The following KSR2 variants were observed in gnomAD, a reference collection of about 807,000 sequenced individuals.
KSR2 encodes the protein kinase suppressor of ras 2.
KSR2 carries 25 observed loss-of-function variants against 107.8 expected under a neutral mutation model. The ratio of observed to expected loss-of-function variants is 0.23; its 90% CI spans 0.17 to 0.32. The LOEUF (loss-of-function observed/expected upper bound fraction) is 0.32. Among genes scored for constraint, KSR2 ranks in the 10% least tolerant of loss-of-function variants. KSR2 has a pLI of 1.00. For synonymous variants in KSR2, 480 were observed against 507.0 expected, an observed-to-expected ratio of 0.95 and a Z score of 0.71; for missense variants, 887 against 1,268.9, an observed-to-expected ratio of 0.70 and a Z score of 4.57.
intron 1 of KSR2, among the ~76,000 whole-genome samples, chr12:117,871,445 C>T (rs748308895): frequency 2.0e-5 from 3 of 151,936 alleles, no homozygotes; most frequent in Non-Finnish European, 2.9e-5. Flanking sequence ...AAAAAATGGC[C>T]GGGTGTGGTG....
At chr12:117,511,707 C>G (rs950285877) in intron 14 of KSR2, among the ~76,000 whole-genome samples, 1 of 152,220 alleles carries the variant, frequency 6.6e-6, no homozygotes, top group Non-Finnish European at 1.5e-5. Context: ...TGCCATTTCA[C>G]AAGGAAGCCC....
chr12:117,534,110 C>T (rs1835305833), intron 10 of KSR2, among the ~76,000 whole-genome samples: 1 of 151,822 alleles, frequency 6.6e-6, no homozygotes, highest in African/African-American at 2.4e-5. Flanking sequence ...CAGATGAAGT[C>T]AAAGAGACAA....
At chr12:117,672,769 C>T (rs2136504236) in intron 4 of KSR2, among the ~76,000 whole-genome samples, 1 of 152,252 alleles carries the variant, frequency 6.6e-6, no homozygotes, top group South Asian at 2.1e-4. Context: ...GGACTATGGG[C>T]GTGTGCCACC....
Position 117,453,187 on chromosome 12 carries a change from C to A in KSR2, c.*14012G>T, listed in dbSNP as rs1870421222. ...TGTCCAACAGCCCAAGTTAGAAATA[C>A]TTTTTTTAGAAGTGTAGAAAACTTT... On this transcript the variant is annotated 3_prime_UTR_variant, in exon 20 of 20. Coordinates refer to ENST00000339824, the MANE Select transcript of KSR2 (RefSeq NM_173598.6). 6.6e-6 allele frequency: 1 copy of A among 152,436 alleles called. No homozygotes were observed. The highest frequency in any genetic ancestry group is 1.5e-5 in the Non-Finnish European group (1 of 68,030). 9.4% of individuals were successfully genotyped at this position (152,436 alleles called of 1,614,324 possible).
rs2137636391 is a variant in KSR2 at position 117,968,712 on chromosome 12, A to C, written c.-457T>G. 6.1e-6 allele frequency: 1 copy of C among 163,564 alleles called. No individual in the cohort carries two copies. The highest frequency in any genetic ancestry group is 1.8e-4 in the East Asian group (1 of 5,486). 10.1% of individuals were successfully genotyped at this position (163,564 alleles called of 1,614,324 possible). A position where few individuals can be genotyped will look rare whatever the true frequency, so the allele number is the denominator to read the frequency against. On this transcript the variant is annotated 5_prime_UTR_variant, in exon 1 of 20. It adds an upstream start codon to the 5' untranslated region. Transcript: ENST00000339824. ...TACACACCGGCTCCTTGAAGGACAA[A>C]ATTATATATTTTTGGCTGGCTTGCT...
rs34642697 is a variant in KSR2, at chr12:117,750,249, T to TA, written c.986+10761dup. On this transcript the variant is annotated intron_variant, in intron 4 of 19. Coordinates refer to ENST00000339824, the MANE Select transcript of KSR2 (RefSeq NM_173598.6). ...TGGGTGACAGAGTGAGACTCTGTCT[T>TA]AAAAAAAAAAAAAAAAAAAAGAAGA... Among the ~76,000 whole-genome samples, 461 of 122,234 alleles carry TA rather than the reference T, an allele frequency of 3.8e-3. 3 individuals are homozygous for TA. The highest frequency in any genetic ancestry group is 0.012 in the African/African-American group (396 of 32,370). 80.2% of individuals were successfully genotyped at this position (122,234 alleles called of 152,430 possible).
chr12:117,958,773 A>T (rs141293479), intron 1 of KSR2, among the ~76,000 whole-genome samples: 1,910 of 152,288 alleles, frequency 0.013, 43 homozygotes, highest in African/African-American at 0.043. Flanking sequence ...GTGAGCGGAG[A>T]TCACGCCACT....
At chr12:117,794,730 C>T (rs1487867112) in intron 3 of KSR2, among the ~76,000 whole-genome samples, 5 of 152,048 alleles carry the variant, frequency 3.3e-5, no homozygotes, top group African/African-American at 1.2e-4. Context: ...CCAATATGCA[C>T]ACACTTATAC....
chr12:117,575,295 C>T (rs563388065), intron 7 of KSR2, among the ~76,000 whole-genome samples: 84 of 152,278 alleles, frequency 5.5e-4, no homozygotes, highest in African/African-American at 8.9e-4. Context: ...AGTGAACAAA[C>T]GGTTCCGCTC....
intron 4 of KSR2, among the ~76,000 whole-genome samples, chr12:117,744,453 C>T (rs373572896): frequency 6.6e-6 from 1 of 152,122 alleles, no homozygotes; most frequent in African/African-American, 2.4e-5. Context: ...CTTTATGAGC[C>T]TTTTCTTCCC....
intron 5 of KSR2, among the ~76,000 whole-genome samples, chr12:117,619,748 C>A (rs532195727): frequency 6.6e-6 from 1 of 151,670 alleles, no homozygotes; most frequent in East Asian, 2.0e-4. Context: ...GCCAATTAAT[C>A]ATCTCATGTG....
intron 3 of KSR2, among the ~76,000 whole-genome samples, chr12:117,799,387 A>T (rs113922924): frequency 2.0e-5 from 3 of 151,984 alleles, no homozygotes. Context: ...CTGTAATCCC[A>T]GCTACTCAGG....
intron 14 of KSR2, among the ~76,000 whole-genome samples, chr12:117,496,097 G>A (rs997866432): frequency 2.0e-5 from 3 of 150,900 alleles, no homozygotes; most frequent in Non-Finnish European, 4.4e-5. Context: ...GCTGCTCTGG[G>A]CTCTTCAAAG....
intron 9 of KSR2, among the ~76,000 whole-genome samples, chr12:117,547,356 C>T (rs1876944403): frequency 6.6e-6 from 1 of 152,294 alleles, no homozygotes; most frequent in Admixed American, 6.5e-5. Flanking sequence ...AGGGAGCAGA[C>T]TTGTTAATGA....
At chr12:117,686,513 C>A (rs567951191) in intron 4 of KSR2, among the ~76,000 whole-genome samples, 10 of 152,150 alleles carry the variant, frequency 6.6e-5, no homozygotes, top group African/African-American at 1.7e-4. Context: ...AAGGTCTTAA[C>A]CCTAAAATAT....
chr12:117,553,871 T>G (rs958205937), intron 9 of KSR2, among the ~76,000 whole-genome samples: 1 of 148,316 alleles, frequency 6.7e-6, no homozygotes, highest in Non-Finnish European at 1.5e-5. Context: ...CCCTCTCTCA[T>G]GCACGTTTCC....
intron 1 of KSR2, among the ~76,000 whole-genome samples, chr12:117,909,162 A>C (rs1449149540): frequency 1.3e-5 from 2 of 152,198 alleles, no homozygotes; most frequent in African/African-American, 4.8e-5. Flanking sequence ...CAACTGCTTC[A>C]ACCCAATTAC....
intron 14 of KSR2, among the ~76,000 whole-genome samples, chr12:117,497,524 T>C (rs1418929598): frequency 6.6e-6 from 1 of 152,148 alleles, no homozygotes. Flanking sequence ...GACGACCATC[T>C]TTAGAGGGCC....
intron 3 of KSR2, among the ~76,000 whole-genome samples, chr12:117,786,189 C>A (rs1890067532): frequency 6.6e-6 from 1 of 152,052 alleles, no homozygotes; most frequent in African/African-American, 2.4e-5. Context: ...TAAATTTTGA[C>A]ATTTATTCCA....
Sources: allele counts gnomAD v4.1 joint callset (sites outside exome capture counted in the v4.1 genomes callset), GRCh38; gene constraint gnomAD v4.1.1; transcripts MANE v1.5; gene names NCBI Gene and HGNC (gene_info 2026-07-23, HGNC 2026-07-21).